GLB1L3: variants seen among roughly 807,000 people sequenced by gnomAD.
GLB1L3 encodes beta-galactosidase-1-like protein 3.
In GLB1L3, 89 loss-of-function variants were observed where a neutral mutation model predicts 89.5. The observed-to-expected ratio is 0.99, with a 90% CI of 0.84 to 1.19. The LOEUF (loss-of-function observed/expected upper bound fraction) is 1.19, where lower values mean the gene tolerates loss of function less well. Ranked by LOEUF, GLB1L3 falls within the 50% of genes most tolerant of loss-of-function variation. The pLI is 0.00. For synonymous variants in GLB1L3, 314 were observed against 312.3 expected (o/e 1.01, Z -0.06); for missense variants, 812 against 813.3 (o/e 1.00, Z 0.02).
intron 9 of GLB1L3, 41 bp from the exon 10 acceptor site, chr11:134,307,083 G>T (rs758221780): frequency 2.7e-6 from 4 of 1,495,126 alleles, no homozygotes; most frequent in Admixed American, 3.7e-5. Flanking sequence ...TTTCTTTTTT[G>T]TTTTTTGCCA....
At chr11:134,308,419 TC>T (rs1942441086) in intron 10 of GLB1L3, among the ~76,000 whole-genome samples, 2 of 19,792 alleles carry the variant, frequency 1.0e-4, no homozygotes, top group Non-Finnish European at 1.8e-4. Context: ...ACCACCACCA[TC>T]ATCACCATCA....
Position 134,282,049 on chromosome 11 carries a change from G to T in GLB1L3, c.456G>T (p.Glu152Asp), listed in dbSNP as rs1318861859. The change falls in exon 5 of 20, where the codon GAG (glutamate) becomes GAT (aspartate). Residue 152 changes from glutamate (E) to aspartate (D), a missense_variant. By Grantham distance (45) the Glu-to-Asp change is conservative. Around this residue, in one of 3 missense-constraint regions of GLB1L3, gnomAD observed 191 missense variants for 191.4 expected, o/e 1.00. Coordinates refer to ENST00000431683, the MANE Select transcript of GLB1L3 (RefSeq NM_001080407.3). ...GGGCCTTCGTCCTGATGGCCGCAGA[G>T]ATCGGGCTGTGGGTGATTCTGCGTC... ...DLEAFVLMAA[E>D]IGLWVILRPG... 1.9e-6 allele frequency: 3 copies of T among 1,571,290 alleles called. No homozygotes were observed. In the South Asian group the frequency reaches 3.4e-5, roughly 18 times the overall value.
In GLB1L3 at chr11:134,311,110, T is replaced by TC. The variant is rs758614894; in HGVS notation, c.1233dup (p.Val412ArgfsTer18). ...CCAAACTTCCTCCCAAGGCTGTGTA[T>TC]CCCCCCGTGAGACCGTCGCTGTACC... is the stretch of plus-strand genomic sequence containing the variant. On this transcript the variant is annotated frameshift_variant, in exon 13 of 20. Coordinates refer to ENST00000431683, the MANE Select transcript of GLB1L3 (RefSeq NM_001080407.3). LOFTEE classifies it high-confidence loss of function. 2.5e-6 allele frequency: 4 copies of TC among 1,613,726 alleles called. No individual in the cohort carries two copies. The highest frequency in any genetic ancestry group is 1.7e-5 in the Admixed American group (1 of 60,016).
chr11:134,276,471 G>C lies in GLB1L3; in HGVS notation c.-270G>C, dbSNP rs1940374593. On this transcript the variant is annotated 5_prime_UTR_variant, in exon 1 of 20. Transcript: ENST00000431683. ...CTCCCGCTTCCCCTCCGAGGGCAGA[G>C]AGGCGTCCGCGCCCGGACGCACTGC... 2 of 360,164 alleles carry C rather than the reference G, an allele frequency of 5.6e-6. No homozygotes were observed. Among genetic ancestry groups the C allele is most frequent in the African/African-American group, 2.1e-5 (1 of 47,186 alleles). 22.3% of individuals were successfully genotyped at this position (360,164 alleles called of 1,614,324 possible).
At chr11:134,292,736 C>T (rs1146194) in intron 8 of GLB1L3, 141,153 of 316,022 alleles carry the variant, frequency 0.45, 33,184 homozygotes, top group Non-Finnish European at 0.49. Context: ...GGGACACGCC[C>T]GGGAGTGAGC....
chr11:134,296,609 G>A (rs1391235237), intron 9 of GLB1L3, among the ~76,000 whole-genome samples: 4 of 144,584 alleles, frequency 2.8e-5, no homozygotes, highest in Non-Finnish European at 4.5e-5. Context: ...ACCAAACACC[G>A]CATATTCTCA....
Position 134,318,603 on chromosome 11 carries a change from C to A in GLB1L3, c.1780-28C>A, listed in dbSNP as rs1284481920. On this transcript the variant is annotated intron_variant, in intron 18 of 19. Transcript: ENST00000431683. ...TTACCTTGCTAATGTGAACCAATTT[C>A]CAAATCTCAAGCCACCATTCCTTTC... 2.8e-6 allele frequency: 4 copies of A among 1,445,058 alleles called. No individual in the cohort carries two copies. In the African/African-American group the frequency reaches 5.6e-5, roughly 20 times the overall value. The allele number at this position is 1,445,058 out of a possible 1,614,324, so 89.5% of individuals were successfully genotyped here. A position where few individuals can be genotyped will look rare whatever the true frequency, so the allele number is the denominator to read the frequency against.
intron 11 of GLB1L3, chr11:134,310,352 G>A (rs746407138): frequency 3.6e-6 from 2 of 550,918 alleles, no homozygotes; most frequent in Non-Finnish European, 6.5e-6. Context: ...AGAAGTGGGG[G>A]CAAGCCCAGT....
At chr11:134,277,985 G>C in intron 3 of GLB1L3, 73 bp downstream of exon 3, 3 of 1,461,812 alleles carry the variant, frequency 2.1e-6, no homozygotes, top group Non-Finnish European at 1.9e-6. Flanking sequence ...CTGAGCCTCC[G>C]ATTTTGGGGG....
intron 6 of GLB1L3, among the ~76,000 whole-genome samples, chr11:134,286,168 C>T (rs1003979104): frequency 1.3e-5 from 2 of 152,054 alleles, no homozygotes; most frequent in African/African-American, 4.8e-5. Flanking sequence ...CTCGGCCTCC[C>T]AAAGGGCTGG....
At chr11:134,325,192 T>A in the GLB1L3 span, among the ~76,000 whole-genome samples, 1 of 152,196 alleles carries the variant, frequency 6.6e-6, no homozygotes, top group African/African-American at 2.4e-5. Flanking sequence ...GCTGATAACA[T>A]TTTAATGTTT....
chr11:134,311,252 A>G (rs976751030), intron 13 of GLB1L3, 82 bp downstream of exon 13: 1 of 983,428 alleles, frequency 1.0e-6, no homozygotes, highest in Non-Finnish European at 1.6e-6. Flanking sequence ...TTTTATTAGG[A>G]AGTGGGAAAA....
Position 134,318,647 on chromosome 11 carries a change from T to A in GLB1L3, c.1796T>A (p.Phe599Tyr). The A allele has an allele frequency of 1.2e-6, 2 of 1,606,246 alleles. No homozygotes were observed. The highest frequency in any genetic ancestry group is 1.1e-5 in the South Asian group (1 of 90,346). The change falls in exon 19 of 20, where the codon TTT (phenylalanine) becomes TAT (tyrosine). Residue 599 changes from phenylalanine to tyrosine, a missense_variant. This residue lies in a region of GLB1L3 where 618 missense variants were observed against 604.0 expected (regional missense o/e 1.02). Coordinates refer to ENST00000431683, the MANE Select transcript of GLB1L3 (RefSeq NM_001080407.3). ...TCCTTTCAGAACTGGAATTATGGATTTGTGTTCATCAATGGACGTAACCTT... is the reference window on the plus strand; with the variant it reads ...TCCTTTCAGAACTGGAATTATGGATATGTGTTCATCAATGGACGTAACCTT... ...FLSLLNWNYGFVFINGRNLGR... is the reference protein window; with the variant it reads ...FLSLLNWNYGYVFINGRNLGR...
At chr11:134,286,701 C>T (rs1345295292) in intron 6 of GLB1L3, among the ~76,000 whole-genome samples, 13 of 150,848 alleles carry the variant, frequency 8.6e-5, no homozygotes, top group African/African-American at 2.9e-4. Context: ...GACGTGAACC[C>T]GGGGGGCGGA....
chr11:134,292,279 C>T (rs1442575535), intron 8 of GLB1L3, 66 bp downstream of exon 8: 1 of 1,207,334 alleles, frequency 8.3e-7, no homozygotes, highest in African/African-American at 1.5e-5. Flanking sequence ...ATCTTGAACA[C>T]ACTGCAGAGA....
chr11:134,321,590 TA>T (rs1272025697), downstream of GLB1L3, among the ~76,000 whole-genome samples: 2 of 151,952 alleles, frequency 1.3e-5, no homozygotes, highest in Admixed American at 6.6e-5. Flanking sequence ...TATGCAGCCA[TA>T]AAAAAGGAGG....
intron 10 of GLB1L3, among the ~76,000 whole-genome samples, chr11:134,308,503 CA>C (rs1942493564): frequency 7.4e-5 from 1 of 13,570 alleles, no homozygotes; most frequent in Non-Finnish European, 1.3e-4. Context: ...CACCAAATAC[CA>C]CCACCACCAC....
chr11:134,305,447 A>G (rs1942158803), intron 9 of GLB1L3: 3 of 303,062 alleles, frequency 9.9e-6, no homozygotes, highest in Non-Finnish European at 1.8e-5. Context: ...CTCCTCATTT[A>G]TATTTTGAAG....
chr11:134,320,153 C>G (rs1260915378), downstream of GLB1L3, among the ~76,000 whole-genome samples: 3 of 152,208 alleles, frequency 2.0e-5, no homozygotes, highest in Admixed American at 1.3e-4. Context: ...GCACTATAAG[C>G]AAATCTTATC....
Sources: allele counts gnomAD v4.1 joint callset (sites outside exome capture counted in the v4.1 genomes callset), GRCh38; gene constraint gnomAD v4.1.1; regional missense constraint gnomAD v4.1.1; transcripts MANE v1.5; gene names NCBI Gene and HGNC (gene_info 2026-07-23, HGNC 2026-07-21).